PTBP3: variants seen among roughly 807,000 people sequenced by gnomAD.
PTBP3 encodes the protein polypyrimidine tract-binding protein 3.
In PTBP3, 20 loss-of-function variants were observed where a neutral mutation model predicts 58.7. The observed-to-expected ratio is 0.34, with a 90% confidence interval of 0.24 to 0.50. The LOEUF is 0.50. PTBP3 is among the 20% of genes least tolerant of loss of function. The probability of loss-of-function intolerance (pLI) is 0.98; values close to 1 mark genes in which losing one functional copy is unlikely to be tolerated. For synonymous variants in PTBP3, 185 were observed against 219.8 expected (o/e 0.84, Z 1.40); for missense variants, 509 against 637.2 (o/e 0.80, Z 2.17).
At chr9:112,252,620 A>C in intron 6 of PTBP3, 58 bp downstream of exon 6, 1 of 1,263,426 alleles carries the variant, frequency 7.9e-7, no homozygotes, top group Non-Finnish European at 1.2e-6. Flanking sequence ...GTGGGGCACA[A>C]GAGAAGGTAT....
chr9:112,342,043 A>G, the PTBP3 span, among the ~76,000 whole-genome samples: 1 of 152,198 alleles, frequency 6.6e-6, no homozygotes, highest in South Asian at 2.1e-4. Context: ...CAATGTGGGC[A>G]GGCATCATCC....
At chr9:112,284,013 T>C (rs1827994097) in intron 2 of PTBP3, among the ~76,000 whole-genome samples, 1 of 152,202 alleles carries the variant, frequency 6.6e-6, no homozygotes, top group Non-Finnish European at 1.5e-5. Context: ...TTTCAGAGGA[T>C]GTATGGAAAT....
the PTBP3 span, chr9:112,379,858 G>A: frequency 2.5e-5 from 13 of 524,948 alleles, no homozygotes; most frequent in Non-Finnish European, 4.3e-5. Context: ...GCCGACAGGA[G>A]CCTGATTGTC....
At chr9:112,328,334 C>T (rs1830237301) in intron 1 of PTBP3, among the ~76,000 whole-genome samples, 1 of 152,140 alleles carries the variant, frequency 6.6e-6, no homozygotes, top group Admixed American at 6.5e-5. Flanking sequence ...GAAATTTCTC[C>T]AGATAATGCA....
In PTBP3 at chr9:112,221,200, A is replaced by G; in HGVS notation, c.*2651T>C. ...TTTGGTTAATTTTGTCAATAAATTA[A>G]AATGTATGTAATGTGCATATGTATA... On this transcript the variant is annotated 3_prime_UTR_variant, in exon 14 of 14. Coordinates refer to ENST00000374257, the MANE Select transcript of PTBP3 (RefSeq NM_001163788.4). 3.0e-6 allele frequency: 3 copies of G among 985,526 alleles called. No homozygotes were observed. The highest frequency in any genetic ancestry group is 3.6e-6 in the Non-Finnish European group (3 of 829,626). 61.0% of individuals were successfully genotyped at this position (985,526 alleles called of 1,614,324 possible). A position where few individuals can be genotyped will look rare whatever the true frequency, so the allele number is the denominator to read the frequency against.
At chr9:112,240,251 T>C (rs942686123) in intron 7 of PTBP3, among the ~76,000 whole-genome samples, 1 of 152,226 alleles carries the variant, frequency 6.6e-6, no homozygotes, top group Non-Finnish European at 1.5e-5. Context: ...TTCTAACTTA[T>C]ATAGAATACA....
rs1834696101 is a variant in PTBP3 at position 112,218,494 on chromosome 9, G to C, written c.*5357C>G. On this transcript the variant is annotated 3_prime_UTR_variant, in exon 14 of 14. Coordinates refer to ENST00000374257, the MANE Select transcript of PTBP3 (RefSeq NM_001163788.4). ...AAAGGCATGCTACAATGCTATATTTGTTAGGAAAAGAGATTAGAGATATCA... is the reference window on the plus strand; with the variant it reads ...AAAGGCATGCTACAATGCTATATTTCTTAGGAAAAGAGATTAGAGATATCA... The C allele has an allele frequency of 6.6e-6, 1 of 152,614 alleles. No homozygotes were observed. The highest frequency in any genetic ancestry group is 1.5e-5 in the Non-Finnish European group (1 of 68,048). 9.5% of individuals were successfully genotyped at this position (152,614 alleles called of 1,614,324 possible).
At chr9:112,246,811 C>G (rs1048900119) in intron 7 of PTBP3, among the ~76,000 whole-genome samples, 4 of 152,072 alleles carry the variant, frequency 2.6e-5, no homozygotes, top group African/African-American at 9.7e-5. Flanking sequence ...GGGAAGAAAT[C>G]TGCAAGACCA....
Position 112,294,947 on chromosome 9 carries a change from T to C in PTBP3, c.34+2885A>G, listed in dbSNP as rs116020739. Among the ~76,000 whole-genome samples, 426 of 152,270 alleles carry C rather than the reference T, an allele frequency of 2.8e-3. 1 individual carries two copies. Among genetic ancestry groups the C allele is most frequent in the African/African-American group, 9.1e-3 (379 of 41,562 alleles). Reference sequence around the variant, plus strand: ...CTGTATATAACAATATTTGAAGTAATAGTTACTTAAGAAGTTAATCTCAGG... The same window carrying C: ...CTGTATATAACAATATTTGAAGTAACAGTTACTTAAGAAGTTAATCTCAGG... On this transcript the variant is annotated intron_variant, in intron 2 of 13. Transcript: ENST00000374257.
intron 7 of PTBP3, among the ~76,000 whole-genome samples, chr9:112,247,393 G>A (rs188816727): frequency 3.3e-5 from 5 of 151,900 alleles, no homozygotes; most frequent in Admixed American, 6.6e-5. Context: ...AAATTAGCCC[G>A]ATACTTGTTT....
intron 6 of PTBP3, 117 bp downstream of exon 6, chr9:112,252,561 T>C (rs1243286978): frequency 4.2e-6 from 3 of 719,922 alleles, no homozygotes; most frequent in Non-Finnish European, 7.0e-6. Flanking sequence ...ACGACTAAAA[T>C]GGTAAACATG....
At chr9:112,374,925 T>C in the PTBP3 span, among the ~76,000 whole-genome samples, 1 of 152,324 alleles carries the variant, frequency 6.6e-6, no homozygotes, top group East Asian at 1.9e-4. Context: ...CTGTGCCATA[T>C]TGAGGGCTCA....
chr9:112,268,712 CAAAAA>C (rs56196327), intron 3 of PTBP3, among the ~76,000 whole-genome samples: 10 of 94,062 alleles, frequency 1.1e-4, no homozygotes, highest in African/African-American at 2.2e-4. Context: ...GACACCGTCT[CAAAAA>C]AAAAAAAAAA....
the PTBP3 span, among the ~76,000 whole-genome samples, chr9:112,367,888 C>A: frequency 6.6e-6 from 1 of 152,138 alleles, no homozygotes; most frequent in Admixed American, 6.6e-5. Flanking sequence ...TTTCTGCCCC[C>A]TTCTCTTTCA....
Position 112,228,361 on chromosome 9 carries a change from A to T in PTBP3, c.1147+19T>A. 2 of 1,520,194 alleles carry T rather than the reference A, an allele frequency of 1.3e-6. No individual in the cohort carries two copies. The highest frequency in any genetic ancestry group is 1.8e-6 in the Non-Finnish European group (2 of 1,119,844). 94.2% of individuals were successfully genotyped at this position (1,520,194 alleles called of 1,614,324 possible). Reference sequence around the variant, plus strand: ...GGGGCAAGTTCACATTATTATTAATAATTATTAATCATTAGTACCTAGCTG... The same window carrying T: ...GGGGCAAGTTCACATTATTATTAATTATTATTAATCATTAGTACCTAGCTG... On this transcript the variant is annotated intron_variant, in intron 11 of 13. Transcript: ENST00000374257.
intron 1 of PTBP3, among the ~76,000 whole-genome samples, chr9:112,316,437 G>C (rs1829705246): frequency 6.6e-6 from 1 of 152,134 alleles, no homozygotes. Flanking sequence ...TTAGCTCAAA[G>C]GCCCAGGAGA....
the PTBP3 span, among the ~76,000 whole-genome samples, chr9:112,345,115 A>G: frequency 6.6e-6 from 1 of 152,030 alleles, no homozygotes; most frequent in Non-Finnish European, 1.5e-5. Context: ...AAATAATAAT[A>G]ATAATGAAAA....
intron 7 of PTBP3, among the ~76,000 whole-genome samples, chr9:112,244,351 G>A (rs1010352866): frequency 6.8e-6 from 1 of 146,368 alleles, no homozygotes; most frequent in Admixed American, 6.9e-5. Flanking sequence ...AATCTTTAAG[G>A]AGAAAAGTCA....
chr9:112,363,506 A>G, the PTBP3 span, among the ~76,000 whole-genome samples: 1 of 142,662 alleles, frequency 7.0e-6, no homozygotes, highest in Non-Finnish European at 1.5e-5. Context: ...TGGGCTACAG[A>G]GCAAAACTGT....
Sources: allele counts gnomAD v4.1 joint callset (sites outside exome capture counted in the v4.1 genomes callset), GRCh38; gene constraint gnomAD v4.1.1; transcripts MANE v1.5; gene names NCBI Gene and HGNC (gene_info 2026-07-23, HGNC 2026-07-21).